CPNE4: variants seen among roughly 807,000 people sequenced by gnomAD.
CPNE4 encodes copine-4.
In CPNE4, 25 loss-of-function variants were observed where a neutral mutation model predicts 67.9. The ratio of observed to expected loss-of-function variants is 0.37; its 90% CI spans 0.27 to 0.51. The LOEUF is 0.51. CPNE4 is among the 20% of genes least tolerant of loss of function. The probability of loss-of-function intolerance (pLI) is 0.93; values close to 1 mark genes in which losing one functional copy is unlikely to be tolerated. For synonymous variants in CPNE4, 242 were observed against 244.9 expected (o/e 0.99, Z 0.11); for missense variants, 464 against 690.8 (o/e 0.67, Z 3.68).
At chr3:131,939,539 T>TCA (rs3041608) in intron 1 of CPNE4, among the ~76,000 whole-genome samples, 115,587 of 151,766 alleles carry the variant, frequency 0.76, 44,400 homozygotes, top group African/African-American at 0.85. Context: ...AATATCTGTC[T>TCA]GTTTGCCTAA....
Position 131,535,115 on chromosome 3 carries a change from G to C in CPNE4, c.*80C>G. 7.1e-7 allele frequency: 1 copy of C among 1,403,888 alleles called. No homozygotes were observed. Among genetic ancestry groups the C allele is most frequent in the Non-Finnish European group, 9.6e-7 (1 of 1,039,932 alleles). The allele number at this position is 1,403,888 out of a possible 1,614,324, so 87.0% of individuals were successfully genotyped here. ...GTGTATATGTTGTTGGTTTTTTAAAGTACAGGAGTAGTAGAAGTATTAAAT... is the reference window on the plus strand; with the variant it reads ...GTGTATATGTTGTTGGTTTTTTAAACTACAGGAGTAGTAGAAGTATTAAAT... On this transcript the variant is annotated 3_prime_UTR_variant, in exon 16 of 16. Transcript: ENST00000429747.
At chr3:131,622,506 G>A (rs1353755449) in intron 7 of CPNE4, among the ~76,000 whole-genome samples, 1 of 152,196 alleles carries the variant, frequency 6.6e-6, no homozygotes. Context: ...ATGAACAGAT[G>A]TAGGTTGACA....
chr3:131,938,536 C>G (rs1350339700), intron 1 of CPNE4, among the ~76,000 whole-genome samples: 2 of 152,030 alleles, frequency 1.3e-5, no homozygotes, highest in African/African-American at 4.8e-5. Flanking sequence ...GTTTAATTGA[C>G]TCATAGTTCT....
chr3:131,764,862 G>T (rs2082970310), intron 2 of CPNE4, among the ~76,000 whole-genome samples: 1 of 152,090 alleles, frequency 6.6e-6, no homozygotes, highest in Admixed American at 6.6e-5. Flanking sequence ...ACAGTGACTA[G>T]ACACATTGAA....
chr3:131,807,800 A>G (rs1020311052), intron 2 of CPNE4, among the ~76,000 whole-genome samples: 1 of 152,204 alleles, frequency 6.6e-6, no homozygotes, highest in African/African-American at 2.4e-5. Flanking sequence ...TAAAAGCAAA[A>G]GAAATAGTAG....
intron 2 of CPNE4, among the ~76,000 whole-genome samples, chr3:131,812,572 G>A (rs2084577766): frequency 6.6e-6 from 1 of 152,170 alleles, no homozygotes; most frequent in Admixed American, 6.5e-5. Flanking sequence ...CAGCCCTAGG[G>A]CTAAATATCA....
In CPNE4 at chr3:131,875,918, T is replaced by C. The variant is rs150160521; in HGVS notation, c.180+29346A>G. On this transcript the variant is annotated intron_variant, in intron 2 of 15. Transcript: ENST00000429747. ...TTGCCATTTGTCATTAGAAATTTCA[T>C]AGGGCTTTTACAAACTTAAACAGTT... 4.7e-3 allele frequency among the ~76,000 whole-genome samples: 714 copies of C among 152,324 alleles called. 8 individuals are homozygous for C. Among genetic ancestry groups the C allele is most frequent in the African/African-American group, 0.015 (629 of 41,570 alleles).
At chr3:131,948,195 C>A (rs1157742704) in intron 1 of CPNE4, among the ~76,000 whole-genome samples, 1 of 152,098 alleles carries the variant, frequency 6.6e-6, no homozygotes, top group East Asian at 1.9e-4. Context: ...GAATTTTAAT[C>A]CCCATAGTCC....
chr3:131,596,934 T>A (rs934354529), intron 7 of CPNE4, among the ~76,000 whole-genome samples: 1 of 152,188 alleles, frequency 6.6e-6, no homozygotes, highest in Non-Finnish European at 1.5e-5. Flanking sequence ...CTGACTGATA[T>A]AACTTTCTTC....
intron 11 of CPNE4, among the ~76,000 whole-genome samples, chr3:131,555,785 A>T (rs57687010): frequency 0.035 from 5,319 of 151,814 alleles, 226 homozygotes; most frequent in African/African-American, 0.097. Flanking sequence ...TCCTCCCTTA[A>T]TTTTTTTGCT....
intron 1 of CPNE4, among the ~76,000 whole-genome samples, chr3:132,013,131 G>C (rs1261238573): frequency 6.6e-6 from 1 of 152,180 alleles, no homozygotes; most frequent in Non-Finnish European, 1.5e-5. Context: ...GCTGAGGCAG[G>C]AGAATAACTT....
chr3:131,601,891 G>T (rs568711479), intron 7 of CPNE4, among the ~76,000 whole-genome samples: 2 of 152,268 alleles, frequency 1.3e-5, no homozygotes, highest in Admixed American at 1.3e-4. Flanking sequence ...ACCTGGGAAG[G>T]CACAGATTTG....
chr3:131,695,099 C>T (rs1560129044), intron 5 of CPNE4, among the ~76,000 whole-genome samples: 1 of 152,216 alleles, frequency 6.6e-6, no homozygotes. Context: ...CTCCATTCTA[C>T]AACTTTGCCC....
At chr3:131,810,751 T>C (rs2084493304) in intron 2 of CPNE4, among the ~76,000 whole-genome samples, 1 of 152,120 alleles carries the variant, frequency 6.6e-6, no homozygotes, top group Non-Finnish European at 1.5e-5. Context: ...CATTGCAGCA[T>C]TGTTCACAGT....
At chr3:131,809,348 A>G (rs2084439695) in intron 2 of CPNE4, among the ~76,000 whole-genome samples, 1 of 152,162 alleles carries the variant, frequency 6.6e-6, no homozygotes, top group Admixed American at 6.6e-5. Flanking sequence ...ATTCTCCCTT[A>G]GATCCTCCAG....
At chr3:131,600,633 C>CA (rs59726347) in intron 7 of CPNE4, among the ~76,000 whole-genome samples, 20,174 of 152,036 alleles carry the variant, frequency 0.13, 1,903 homozygotes, top group African/African-American at 0.26. Flanking sequence ...ACTCTGACCC[C>CA]GCCTCGAGAG....
intron 1 of CPNE4, among the ~76,000 whole-genome samples, chr3:131,906,404 C>T (rs1204788119): frequency 1.6e-5 from 2 of 124,626 alleles, no homozygotes; most frequent in Non-Finnish European, 3.4e-5. Flanking sequence ...CCCTCCCCCC[C>T]TCCCCCCACC....
chr3:131,953,907 C>T (rs889268462), intron 1 of CPNE4, among the ~76,000 whole-genome samples: 4 of 152,094 alleles, frequency 2.6e-5, no homozygotes, highest in Admixed American at 2.6e-4. Context: ...TGTTTCCTAA[C>T]ACAAAGAAAG....
At chr3:131,994,722 G>T (rs1320900) in intron 1 of CPNE4, among the ~76,000 whole-genome samples, 43,239 of 152,032 alleles carry the variant, frequency 0.28, 6,718 homozygotes, top group Admixed American at 0.4. Flanking sequence ...CCTCCCAAAG[G>T]ACGTAAACTT....
Sources: allele counts gnomAD v4.1 joint callset (sites outside exome capture counted in the v4.1 genomes callset), GRCh38; gene constraint gnomAD v4.1.1; transcripts MANE v1.5; gene names NCBI Gene and HGNC (gene_info 2026-07-23, HGNC 2026-07-21).